PPM1E: variants seen among roughly 807,000 people sequenced by gnomAD.
PPM1E encodes the protein protein phosphatase 1E.
Under a neutral mutation model 65.9 loss-of-function variants are expected in PPM1E, and 20 were observed. That is an observed-to-expected ratio of 0.30 (90% CI 0.21 to 0.44). The LOEUF (loss-of-function observed/expected upper bound fraction) is 0.44. Ranked by LOEUF, PPM1E falls within the 20% of genes least tolerant of loss-of-function variation. The pLI is 1.00. For synonymous variants in PPM1E, 352 were observed against 374.9 expected (o/e 0.94, Z 0.70); for missense variants, 713 against 953.1 (o/e 0.75, Z 3.32).
intron 1 of PPM1E, among the ~76,000 whole-genome samples, chr17:58,938,733 A>C (rs970996314): frequency 6.6e-6 from 1 of 152,074 alleles, no homozygotes; most frequent in East Asian, 1.9e-4. Context: ...TATCTAGAGC[A>C]TAAGAAATGA....
intron 1 of PPM1E, among the ~76,000 whole-genome samples, chr17:58,780,306 C>T (rs942055444): frequency 2.0e-5 from 3 of 152,122 alleles, no homozygotes; most frequent in Non-Finnish European, 4.4e-5. Flanking sequence ...CCCAGGAGTT[C>T]GAGACCAGCC....
intron 1 of PPM1E, among the ~76,000 whole-genome samples, chr17:58,872,650 G>T (rs754501886): frequency 1.1e-4 from 16 of 152,168 alleles, no homozygotes; most frequent in South Asian, 6.2e-4. Context: ...CTGTCTTCAT[G>T]TATAGTCTGG....
chr17:58,845,140 G>C (rs1221707816), intron 1 of PPM1E, among the ~76,000 whole-genome samples: 2 of 152,034 alleles, frequency 1.3e-5, no homozygotes, highest in African/African-American at 4.8e-5. Flanking sequence ...GTCTACATTT[G>C]CTGGAAATTT....
chr17:58,849,525 A>G (rs2050804367), intron 1 of PPM1E, among the ~76,000 whole-genome samples: 1 of 152,190 alleles, frequency 6.6e-6, no homozygotes, highest in East Asian at 1.9e-4. Flanking sequence ...TCATTTCATT[A>G]TGTACCCAGT....
chr17:58,857,890 C>G (rs2050899421), intron 1 of PPM1E, among the ~76,000 whole-genome samples: 1 of 152,066 alleles, frequency 6.6e-6, no homozygotes. Flanking sequence ...AGGTAAAATT[C>G]CGTCCAATGT....
In PPM1E at chr17:58,967,515, T is replaced by TAG. The variant is rs1455637689; in HGVS notation, c.783+1623_783+1624insGA. ...ATTTATATATATGTGTATATATATA[T>TAG]ATATAGAGAGAGAGAGAGAGAGAGA... is the stretch of plus-strand genomic sequence containing the variant. On this transcript the variant is annotated intron_variant, in intron 3 of 6. Transcript: ENST00000308249. 6.2e-4 allele frequency among the ~76,000 whole-genome samples: 92 copies of TAG among 149,108 alleles called. 3 individuals are homozygous for TAG. The East Asian group carries it at 0.015, about 24-fold the overall frequency.
In PPM1E at chr17:58,822,832, G is replaced by A. The variant is rs530106988; in HGVS notation, c.464+66371G>A. 2.0e-5 allele frequency among the ~76,000 whole-genome samples: 3 copies of A among 152,258 alleles called. 1 individual carries two copies. Among genetic ancestry groups the A allele is most frequent in the South Asian group, 4.1e-4 (2 of 4,824 alleles). On this transcript the variant is annotated intron_variant, in intron 1 of 6. Transcript: ENST00000308249. ...GTTATGCTATCAGTCAGGTCTTACCGTACTGCCAGTACTTGCTGTTGGAGA... is the reference window on the plus strand; with the variant it reads ...GTTATGCTATCAGTCAGGTCTTACCATACTGCCAGTACTTGCTGTTGGAGA...
At chr17:58,804,473 G>A (rs185112445) in intron 1 of PPM1E, among the ~76,000 whole-genome samples, 2 of 152,102 alleles carry the variant, frequency 1.3e-5, no homozygotes, top group Non-Finnish European at 2.9e-5. Flanking sequence ...TGAATTATGA[G>A]TTCTCAATAT....
chr17:58,980,084 G>A lies in PPM1E; in HGVS notation c.1321G>A (p.Val441Met), dbSNP rs778605375. 7 of 1,614,124 alleles carry A rather than the reference G, an allele frequency of 4.3e-6. No homozygotes were observed. The East Asian group carries it at 1.3e-4, about 31-fold the overall frequency. ...ILACDGFYDT[V>M]NPDEAVKVVS... ...GGCCTGTGATGGCTTCTATGACACC[G>A]TGAACCCTGATGAGGCAGTGAAAGT... Residue 441 changes from valine to methionine, a missense_variant, in exon 7 of 7, where the codon GTG (valine) becomes ATG (methionine). Transcript: ENST00000308249. The surrounding 1 kb of genome is among the most constrained non-coding windows in gnomAD (Gnocchi z 4.7).
intron 1 of PPM1E, among the ~76,000 whole-genome samples, chr17:58,848,133 G>T (rs576189605): frequency 2.0e-5 from 3 of 152,308 alleles, no homozygotes; most frequent in African/African-American, 7.2e-5. Context: ...TGTATCCTGA[G>T]ACTTTGCTGA....
intron 1 of PPM1E, among the ~76,000 whole-genome samples, chr17:58,913,384 T>TA (rs951983861): frequency 1.3e-4 from 20 of 149,020 alleles, no homozygotes; most frequent in South Asian, 2.1e-4. Context: ...TGAGCAGACT[T>TA]AAAAAAAAAA....
At chr17:58,909,294 A>G (rs528540624) in intron 1 of PPM1E, among the ~76,000 whole-genome samples, 1 of 152,116 alleles carries the variant, frequency 6.6e-6, no homozygotes, top group Non-Finnish European at 1.5e-5. Flanking sequence ...TTCTCACTCC[A>G]TCACTCAGGC....
At chr17:58,945,891 A>G (rs769727471) in intron 1 of PPM1E, among the ~76,000 whole-genome samples, 1 of 152,222 alleles carries the variant, frequency 6.6e-6, no homozygotes, top group African/African-American at 2.4e-5. Context: ...CTTCTAGCAC[A>G]TAGTTATGTT....
At position 58,965,730 on chromosome 17, in the gene PPM1E, G is replaced by A. The variant is rs753162131; in HGVS notation, c.620G>A (p.Ser207Asn). ...ETVKLARSVF[S>N]KLHEICCSWV... ...GTGAAATTGGCCCGTTCTGTCTTCA[G>A]CAAACTACACGAGATTTGCTGCAGC... Residue 207 changes from serine (S) to asparagine (N), a missense_variant, in exon 3 of 7, where the codon AGC (serine) becomes AAC (asparagine). Around this residue, in one of 6 missense-constraint regions of PPM1E, gnomAD observed 84 missense variants for 113.9 expected, o/e 0.74. Transcript: ENST00000308249. 6.2e-7 allele frequency: 1 copy of A among 1,614,096 alleles called. No homozygotes were observed. Among genetic ancestry groups the A allele is most frequent in the South Asian group, 1.1e-5 (1 of 91,082 alleles).
At chr17:58,859,890 T>C (rs1308251322) in intron 1 of PPM1E, among the ~76,000 whole-genome samples, 2 of 152,216 alleles carry the variant, frequency 1.3e-5, no homozygotes, top group African/African-American at 2.4e-5. Context: ...AATTTAGTGA[T>C]GTTACCTGAT....
intron 1 of PPM1E, among the ~76,000 whole-genome samples, chr17:58,895,797 G>T (rs1374950548): frequency 6.8e-6 from 1 of 146,556 alleles, no homozygotes; most frequent in Non-Finnish European, 1.5e-5. Flanking sequence ...GTGACAGAGC[G>T]AGACCGTGTC....
At chr17:58,855,887 A>G (rs2050877385) in intron 1 of PPM1E, among the ~76,000 whole-genome samples, 2 of 152,228 alleles carry the variant, frequency 1.3e-5, no homozygotes, top group African/African-American at 4.8e-5. Context: ...GTGGTGCGGT[A>G]TAAATTATTT....
chr17:58,773,566 A>T (rs577052247), intron 1 of PPM1E, among the ~76,000 whole-genome samples: 1 of 152,236 alleles, frequency 6.6e-6, no homozygotes, highest in South Asian at 2.1e-4. Flanking sequence ...TTGTATTATA[A>T]GTCATTTATA....
intron 1 of PPM1E, among the ~76,000 whole-genome samples, chr17:58,802,238 T>G (rs766236306): frequency 6.6e-6 from 1 of 152,226 alleles, no homozygotes; most frequent in Non-Finnish European, 1.5e-5. Flanking sequence ...CAACTTCATA[T>G]TTTTTGAATA....
Sources: allele counts gnomAD v4.1 joint callset (sites outside exome capture counted in the v4.1 genomes callset), GRCh38; gene constraint gnomAD v4.1.1; regional missense constraint gnomAD v4.1.1; non-coding constraint Gnocchi (gnomAD v3.1); transcripts MANE v1.5; gene names NCBI Gene and HGNC (gene_info 2026-07-23, HGNC 2026-07-21).